CCSER1: variants seen among roughly 807,000 people sequenced by gnomAD.
CCSER1 encodes the protein coiled-coil serine rich protein 1.
Under a neutral mutation model 82.0 loss-of-function variants are expected in CCSER1, and 41 were observed. The observed-to-expected ratio is 0.50, with a 90% CI of 0.39 to 0.65. CCSER1 has a LOEUF of 0.65. Ranked by LOEUF, CCSER1 falls within the 30% of genes least tolerant of loss-of-function variation. The pLI is 0.00. For synonymous variants in CCSER1, 414 were observed against 383.9 expected (o/e 1.08, Z -0.92); for missense variants, 1,119 against 1,064.2 (o/e 1.05, Z -0.72).
At position 91,150,464 on chromosome 4, in the gene CCSER1, G is replaced by C. The variant is rs373001353; in HGVS notation, c.2217+64470G>C. 9.9e-4 allele frequency among the ~76,000 whole-genome samples: 150 copies of C among 152,112 alleles called. 1 individual carries two copies. Among genetic ancestry groups the C allele is most frequent in the East Asian group, 4.3e-3 (22 of 5,174 alleles). ...ACTCCCTCTTTTCCTAATTGAATAC[G>C]CTTTATTTCTTTCTCCTGCCTGATT... On this transcript the variant is annotated intron_variant, in intron 10 of 10. Coordinates refer to ENST00000509176, the MANE Select transcript of CCSER1 (RefSeq NM_001145065.2).
intron 10 of CCSER1, among the ~76,000 whole-genome samples, chr4:91,279,942 G>T (rs947314691): frequency 1.2e-4 from 19 of 152,282 alleles, no homozygotes; most frequent in Non-Finnish European, 2.4e-4. Context: ...GTGTTCGTTG[G>T]ATAAGGTGCT....
intron 1 of CCSER1, among the ~76,000 whole-genome samples, chr4:90,162,299 A>C (rs548172982): frequency 6.6e-6 from 1 of 152,102 alleles, no homozygotes. Flanking sequence ...TGTGTTTTAC[A>C]TGCTCTGATC....
chr4:90,663,207 C>T (rs1731137861), intron 6 of CCSER1, among the ~76,000 whole-genome samples: 1 of 152,148 alleles, frequency 6.6e-6, no homozygotes. Context: ...TGTTAATCCA[C>T]ACTTGGAAAT....
chr4:90,312,765 G>A (rs534842921), intron 2 of CCSER1, 98 bp from the exon 3 acceptor site: 2 of 928,554 alleles, frequency 2.2e-6, no homozygotes, highest in South Asian at 1.8e-5. Flanking sequence ...GAGAAACTTT[G>A]AATAACACTA....
intron 4 of CCSER1, among the ~76,000 whole-genome samples, chr4:90,420,340 T>C (rs1043837257): frequency 2.6e-5 from 4 of 152,050 alleles, no homozygotes; most frequent in African/African-American, 9.7e-5. Flanking sequence ...AATAATGTTC[T>C]AACTGGGAGA....
intron 8 of CCSER1, among the ~76,000 whole-genome samples, chr4:90,874,949 G>A (rs566632747): frequency 8.3e-4 from 126 of 152,238 alleles, no homozygotes; most frequent in Non-Finnish European, 1.2e-3. Context: ...AGAAGGCTGC[G>A]GCAGGAGAAT....
At chr4:91,396,665 A>C (rs1190282170) in intron 10 of CCSER1, among the ~76,000 whole-genome samples, 2 of 152,046 alleles carry the variant, frequency 1.3e-5, no homozygotes, top group Non-Finnish European at 2.9e-5. Flanking sequence ...AACCACACAA[A>C]AATTTTAAGT....
At chr4:91,449,957 GTT>G (rs1183029372) in intron 10 of CCSER1, among the ~76,000 whole-genome samples, 2 of 152,046 alleles carry the variant, frequency 1.3e-5, no homozygotes, top group Non-Finnish European at 2.9e-5. Context: ...GAGATCATGA[GTT>G]AACCATTTTT....
intron 10 of CCSER1, among the ~76,000 whole-genome samples, chr4:91,200,021 A>T (rs1010215895): frequency 6.6e-6 from 1 of 152,070 alleles, no homozygotes; most frequent in Non-Finnish European, 1.5e-5. Flanking sequence ...ATATTTAATG[A>T]TGTCATTCTA....
intron 9 of CCSER1, among the ~76,000 whole-genome samples, chr4:91,003,153 A>G (rs903009256): frequency 1.3e-5 from 2 of 152,112 alleles, no homozygotes; most frequent in Admixed American, 6.5e-5. Context: ...TGGAGGTGGC[A>G]GGGGGGTGAA....
intron 5 of CCSER1, among the ~76,000 whole-genome samples, chr4:90,513,554 C>T (rs1771846025): frequency 6.6e-6 from 1 of 152,064 alleles, no homozygotes; most frequent in South Asian, 2.1e-4. Flanking sequence ...TATGTTAGGG[C>T]AGGTATTTTT....
chr4:90,325,879 C>T (rs1738086150), intron 3 of CCSER1, among the ~76,000 whole-genome samples: 1 of 151,920 alleles, frequency 6.6e-6, no homozygotes, highest in Non-Finnish European at 1.5e-5. Context: ...CAGTATTGAC[C>T]ATTAGAATTA....
At chr4:90,364,160 T>G (rs1413919181) in intron 3 of CCSER1, among the ~76,000 whole-genome samples, 1 of 152,042 alleles carries the variant, frequency 6.6e-6, no homozygotes, top group Non-Finnish European at 1.5e-5. Context: ...AACACCTACA[T>G]TTTTACCCTG....
intron 10 of CCSER1, among the ~76,000 whole-genome samples, chr4:91,296,483 A>ATATATATATATATATATATATATATT (rs1175690764): frequency 2.4e-5 from 3 of 124,040 alleles, no homozygotes; most frequent in Admixed American, 7.7e-5. Context: ...ATATATATAT[A>ATATATATATATATATATATATATATT]TATTTTAATT....
At chr4:91,227,554 G>GTT (rs558363023) in intron 10 of CCSER1, among the ~76,000 whole-genome samples, 16 of 145,702 alleles carry the variant, frequency 1.1e-4, no homozygotes, top group Admixed American at 1.0e-3. Flanking sequence ...ACATGTACTG[G>GTT]TTTTTTTTTT....
At chr4:90,412,402 A>T (rs1232534167) in intron 4 of CCSER1, among the ~76,000 whole-genome samples, 1 of 151,858 alleles carries the variant, frequency 6.6e-6, no homozygotes, top group African/African-American at 2.4e-5. Flanking sequence ...CCAACATGGC[A>T]CAGGTATACA....
intron 6 of CCSER1, among the ~76,000 whole-genome samples, chr4:90,723,499 A>T (rs1011038761): frequency 1.3e-5 from 2 of 151,938 alleles, no homozygotes; most frequent in African/African-American, 4.8e-5. Flanking sequence ...CAATGATTTA[A>T]ATCTTTATAG....
At chr4:90,804,662 T>C (rs1433364808) in intron 7 of CCSER1, among the ~76,000 whole-genome samples, 1 of 152,206 alleles carries the variant, frequency 6.6e-6, no homozygotes, top group Admixed American at 6.5e-5. Context: ...TGGATTTTAC[T>C]TGCTTTTAGT....
At chr4:91,077,583 T>G (rs1187651707) in intron 9 of CCSER1, among the ~76,000 whole-genome samples, 1 of 152,136 alleles carries the variant, frequency 6.6e-6, no homozygotes, top group African/African-American at 2.4e-5. Flanking sequence ...CCAACTGAGG[T>G]ACCAGGTTCA....
Sources: gnomAD v4.1 joint callset for allele counts (sites outside exome capture counted in the v4.1 genomes callset) on GRCh38, gnomAD v4.1.1 for gene constraint, MANE v1.5 for transcripts, NCBI Gene and HGNC (gene_info 2026-07-23, HGNC 2026-07-21) for gene names.